MAGI1: variants seen among roughly 807,000 people sequenced by gnomAD.
MAGI1 encodes membrane associated guanylate kinase, WW and PDZ domain containing 1.
MAGI1 carries 58 observed loss-of-function variants against 139.9 expected under a neutral mutation model. The ratio of observed to expected loss-of-function variants is 0.41; its 90% CI spans 0.34 to 0.52. The LOEUF is 0.52. Among genes scored for constraint, MAGI1 ranks in the 20% least tolerant of loss-of-function variants. MAGI1 has a pLI of 0.12. For synonymous variants in MAGI1, 812 were observed against 737.9 expected (o/e 1.10, Z -1.63); for missense variants, 1,874 against 1,901.6 (o/e 0.99, Z 0.27).
intron 1 of MAGI1, among the ~76,000 whole-genome samples, chr3:65,711,213 C>T (rs1236659519): frequency 6.6e-6 from 1 of 152,164 alleles, no homozygotes; most frequent in South Asian, 2.1e-4. Flanking sequence ...AGCTTGCAGT[C>T]TAGAAGGGTT....
chr3:65,686,730 A>G lies in MAGI1; in HGVS notation c.314-64642T>C, dbSNP rs976910509. ...CTTAGGACTGTCTCAGTGGACAGGAAGTGAAACGCCAAGCATCTGAACCAA... is the reference window on the plus strand; with the variant it reads ...CTTAGGACTGTCTCAGTGGACAGGAGGTGAAACGCCAAGCATCTGAACCAA... On this transcript the variant is annotated intron_variant, in intron 1 of 22. Transcript: ENST00000402939. Among the ~76,000 whole-genome samples the G allele has an allele frequency of 6.6e-5, 10 of 152,366 alleles. 1 individual carries two copies. The highest frequency in any genetic ancestry group is 5.2e-4 in the Admixed American group (8 of 15,302).
At chr3:65,531,384 G>A (rs1355440321) in intron 2 of MAGI1, among the ~76,000 whole-genome samples, 1 of 151,990 alleles carries the variant, frequency 6.6e-6, no homozygotes, top group Non-Finnish European at 1.5e-5. Flanking sequence ...TATCGTCAGG[G>A]GAACTCGGGT....
intron 1 of MAGI1, among the ~76,000 whole-genome samples, chr3:65,806,075 C>T (rs891350542): frequency 1.3e-5 from 2 of 152,082 alleles, no homozygotes; most frequent in African/African-American, 4.8e-5. Flanking sequence ...ACATCCTACA[C>T]ATGTATCCTG....
chr3:65,368,417 A>T (rs1172604281), intron 18 of MAGI1, among the ~76,000 whole-genome samples: 2 of 152,204 alleles, frequency 1.3e-5, no homozygotes, highest in African/African-American at 2.4e-5. Flanking sequence ...AAGAGAAGCA[A>T]ATCCCAGCTC....
chr3:65,575,901 A>G (rs965241090), intron 2 of MAGI1, among the ~76,000 whole-genome samples: 4 of 152,294 alleles, frequency 2.6e-5, no homozygotes, highest in Admixed American at 6.5e-5. Flanking sequence ...TGAAATCGGG[A>G]GATACAGGGT....
intron 1 of MAGI1, chr3:65,954,631 G>C: frequency 6.6e-6 from 1 of 152,476 alleles, no homozygotes; most frequent in Non-Finnish European, 1.5e-5. Flanking sequence ...CAGGCGGCAC[G>C]GCGGGGAAAT....
rs147840697 is a variant in MAGI1 at position 65,914,831 on chromosome 3, G to C, written c.313+123165C>G. 6.8e-3 allele frequency among the ~76,000 whole-genome samples: 1,043 copies of C among 152,276 alleles called. 13 individuals are homozygous for C. The highest frequency in any genetic ancestry group is 0.024 in the African/African-American group (980 of 41,546). On this transcript the variant is annotated intron_variant, in intron 1 of 22. Coordinates refer to ENST00000402939, the MANE Select transcript of MAGI1 (RefSeq NM_001033057.2). ...CTGTACAACAGAGTTCAATTGCTTA[G>C]AGTAACCTGCTGCATGACCTCGGGT... is the stretch of plus-strand genomic sequence containing the variant.
intron 1 of MAGI1, among the ~76,000 whole-genome samples, chr3:65,877,909 C>T (rs146854562): frequency 5.3e-5 from 8 of 152,162 alleles, no homozygotes; most frequent in African/African-American, 9.6e-5. Flanking sequence ...GACTTTGAGA[C>T]CAGCCTGGGC....
At chr3:65,689,128 G>A (rs1046945204) in intron 1 of MAGI1, among the ~76,000 whole-genome samples, 5 of 152,178 alleles carry the variant, frequency 3.3e-5, no homozygotes, top group African/African-American at 1.2e-4. Context: ...TAGTCCCTCT[G>A]AAACCCAGAC....
At chr3:65,720,940 C>A (rs1307637202) in intron 1 of MAGI1, among the ~76,000 whole-genome samples, 2 of 151,862 alleles carry the variant, frequency 1.3e-5, no homozygotes, top group Admixed American at 1.3e-4. Flanking sequence ...CGGGGTTTCA[C>A]CATGTTGCCC....
chr3:65,870,815 G>C (rs924699478), intron 1 of MAGI1, among the ~76,000 whole-genome samples: 4 of 152,156 alleles, frequency 2.6e-5, no homozygotes, highest in Admixed American at 2.6e-4. Flanking sequence ...GGGCATGGTG[G>C]CTCATGCCTG....
At chr3:65,595,825 TAGGGTG>T (rs1277201447) in intron 2 of MAGI1, among the ~76,000 whole-genome samples, 27 of 16,428 alleles carry the variant, frequency 1.6e-3, no homozygotes, top group Admixed American at 5.4e-3. Context: ...GTAGGGTGGG[TAGGGTG>T]GGGGTGGGGA....
At chr3:65,743,349 C>G (rs1359354644) in intron 1 of MAGI1, among the ~76,000 whole-genome samples, 2 of 152,106 alleles carry the variant, frequency 1.3e-5, no homozygotes, top group Admixed American at 1.3e-4. Flanking sequence ...CTTTATATTC[C>G]ACCATCTTCC....
chr3:65,418,226 A>G (rs577085880), intron 12 of MAGI1, among the ~76,000 whole-genome samples: 18 of 152,192 alleles, frequency 1.2e-4, no homozygotes, highest in African/African-American at 4.1e-4. Context: ...TATGGCACAG[A>G]CTCAGACTAC....
intron 1 of MAGI1, among the ~76,000 whole-genome samples, chr3:66,012,757 C>G (rs369786004): frequency 7.2e-5 from 10 of 138,314 alleles, no homozygotes; most frequent in African/African-American, 2.6e-4. Context: ...TAGGGTGAGA[C>G]TCCATCTCAA....
intron 1 of MAGI1, among the ~76,000 whole-genome samples, chr3:65,967,824 A>G (rs965649663): frequency 7.2e-5 from 11 of 152,184 alleles, no homozygotes; most frequent in African/African-American, 2.7e-4. Context: ...AAGACCTCCC[A>G]GGGGATGGAA....
chr3:65,994,994 A>C (rs1175821082), intron 1 of MAGI1, among the ~76,000 whole-genome samples: 1 of 152,198 alleles, frequency 6.6e-6, no homozygotes, highest in Non-Finnish European at 1.5e-5. Context: ...AAAGAAACAA[A>C]GGGTTAAGTG....
In MAGI1 at chr3:65,716,246, T is replaced by C. The variant is rs371158907; in HGVS notation, c.314-94158A>G. ...CACACAGAGAATGATACAGGGACTG[T>C]TGTGTATGCTACAGGCCAGCTGATT... On this transcript the variant is annotated intron_variant, in intron 1 of 22. Coordinates refer to ENST00000402939, the MANE Select transcript of MAGI1 (RefSeq NM_001033057.2). 1.5e-4 allele frequency among the ~76,000 whole-genome samples: 23 copies of C among 152,296 alleles called. No individual in the cohort carries two copies. The East Asian group carries it at 4.1e-3, about 27-fold the overall frequency.
chr3:65,740,084 A>G (rs1447348372), intron 1 of MAGI1, among the ~76,000 whole-genome samples: 2 of 152,226 alleles, frequency 1.3e-5, no homozygotes, highest in Non-Finnish European at 2.9e-5. Flanking sequence ...GCACTAGTTT[A>G]TCTGAAGCCT....
Sources: allele counts gnomAD v4.1 joint callset (sites outside exome capture counted in the v4.1 genomes callset), GRCh38; gene constraint gnomAD v4.1.1; transcripts MANE v1.5; gene names NCBI Gene and HGNC (gene_info 2026-07-23, HGNC 2026-07-21).